Variants in AGBL4 observed in about 807,000 individuals in gnomAD.
AGBL4 encodes AGBL carboxypeptidase 4.
AGBL4 carries 58 observed loss-of-function variants against 66.4 expected under a neutral mutation model. That is an observed-to-expected ratio of 0.87 (90% CI 0.71 to 1.09). AGBL4 has a LOEUF of 1.09. AGBL4 is among the 50% of genes least tolerant of loss of function. The pLI, the probability that AGBL4 is intolerant of heterozygous loss-of-function variation, is 0.00. For missense variants in AGBL4, 579 were observed against 631.0 expected, an observed-to-expected ratio of 0.92 and a Z score of 0.88; for synonymous variants, 234 against 222.9, an observed-to-expected ratio of 1.05 and a Z score of -0.44.
intron 5 of AGBL4, among the ~76,000 whole-genome samples, chr1:49,002,676 T>C (rs1368352682): frequency 6.6e-6 from 1 of 152,236 alleles, no homozygotes; most frequent in African/African-American, 2.4e-5. Context: ...TCTGTTAAAG[T>C]GCAGTCTTCC....
intron 3 of AGBL4, among the ~76,000 whole-genome samples, chr1:49,302,242 CTT>C (rs1644758299): frequency 6.6e-6 from 1 of 150,994 alleles, no homozygotes; most frequent in South Asian, 2.1e-4. Context: ...TTTTCCTACC[CTT>C]CTTTCACATG....
intron 5 of AGBL4, among the ~76,000 whole-genome samples, chr1:49,040,132 C>A (rs1571299352): frequency 6.6e-6 from 1 of 151,978 alleles, no homozygotes; most frequent in East Asian, 1.9e-4. Flanking sequence ...TCTTAAAACT[C>A]TTATGAGAAC....
In AGBL4 at chr1:48,996,673, T is replaced by TA. The variant is rs554868454; in HGVS notation, c.594+48910dup. Among the ~76,000 whole-genome samples the TA allele has an allele frequency of 4.5e-4, 69 of 152,236 alleles. 1 individual carries two copies. In the South Asian group the frequency reaches 9.6e-3, roughly 21 times the overall value. Reference sequence around the variant, plus strand: ...TCAGAAGAATGTTGTGAATTAAAGTTAAGAGTGGAAAGAGAAGAGTGATGC... The same window carrying TA: ...TCAGAAGAATGTTGTGAATTAAAGTTAAAGAGTGGAAAGAGAAGAGTGATGC... On this transcript the variant is annotated intron_variant, in intron 5 of 13. Coordinates refer to ENST00000371839, the MANE Select transcript of AGBL4 (RefSeq NM_032785.4).
intron 8 of AGBL4, among the ~76,000 whole-genome samples, chr1:48,640,587 T>C (rs530843425): frequency 1.3e-4 from 20 of 152,282 alleles, no homozygotes; most frequent in Non-Finnish European, 2.6e-4. Flanking sequence ...AATAAGGAAA[T>C]AAAATCCAAG....
chr1:49,380,375 C>A (rs549918828), intron 3 of AGBL4, among the ~76,000 whole-genome samples: 1 of 152,140 alleles, frequency 6.6e-6, no homozygotes, highest in Admixed American at 6.6e-5. Context: ...ACATTCCATG[C>A]TCATGGGTAG....
intron 3 of AGBL4, among the ~76,000 whole-genome samples, chr1:49,377,930 G>A (rs567823406): frequency 2.0e-5 from 3 of 152,100 alleles, no homozygotes; most frequent in South Asian, 2.1e-4. Context: ...CCATGCTTGT[G>A]AGACACATAA....
intron 5 of AGBL4, among the ~76,000 whole-genome samples, chr1:48,880,803 A>G (rs1225902351): frequency 6.6e-6 from 1 of 152,170 alleles, no homozygotes; most frequent in Admixed American, 6.5e-5. Flanking sequence ...GGTAATAATT[A>G]CATATTAAAA....
chr1:49,425,238 T>A (rs1031767573), intron 3 of AGBL4, among the ~76,000 whole-genome samples: 1 of 152,124 alleles, frequency 6.6e-6, no homozygotes, highest in South Asian at 2.1e-4. Context: ...AATGCTGAAA[T>A]AAACTTTAAA....
At chr1:49,966,984 T>C (rs1319111465) in intron 1 of AGBL4, among the ~76,000 whole-genome samples, 2 of 152,300 alleles carry the variant, frequency 1.3e-5, no homozygotes, top group African/African-American at 2.4e-5. Flanking sequence ...TGTGTCTTTA[T>C]AGTAGAATGA....
intron 5 of AGBL4, among the ~76,000 whole-genome samples, chr1:48,974,726 G>A (rs777418515): frequency 1.3e-5 from 2 of 152,062 alleles, no homozygotes; most frequent in Non-Finnish European, 2.9e-5. Context: ...TAAATAGGTG[G>A]TGACTCTAAT....
chr1:48,937,419 A>AT (rs112638059), intron 5 of AGBL4, among the ~76,000 whole-genome samples: 61 of 152,132 alleles, frequency 4.0e-4, no homozygotes, highest in African/African-American at 1.3e-3. Flanking sequence ...AGTTTCATAG[A>AT]TTTTTTCTTC....
At chr1:49,754,398 T>C (rs1401331532) in intron 2 of AGBL4, among the ~76,000 whole-genome samples, 1 of 152,172 alleles carries the variant, frequency 6.6e-6, no homozygotes, top group African/African-American at 2.4e-5. Flanking sequence ...TTTGTTAATG[T>C]TGATGCCATT....
chr1:48,957,895 TC>T (rs1657616828), intron 5 of AGBL4, among the ~76,000 whole-genome samples: 2 of 152,090 alleles, frequency 1.3e-5, no homozygotes, highest in African/African-American at 4.8e-5. Flanking sequence ...CGAATCACTC[TC>T]CTCTGGTCAA....
At chr1:49,698,708 T>C (rs571889056) in intron 2 of AGBL4, among the ~76,000 whole-genome samples, 17 of 152,200 alleles carry the variant, frequency 1.1e-4, no homozygotes, top group African/African-American at 3.8e-4. Context: ...TTACTATTCT[T>C]AAAATAACAA....
intron 6 of AGBL4, among the ~76,000 whole-genome samples, chr1:48,677,129 G>C (rs1405072702): frequency 6.6e-6 from 1 of 152,148 alleles, no homozygotes; most frequent in Non-Finnish European, 1.5e-5. Flanking sequence ...CACCACTTTG[G>C]TCAGAACAAC....
intron 4 of AGBL4, among the ~76,000 whole-genome samples, chr1:49,198,963 T>C (rs2148225205): frequency 6.6e-6 from 1 of 152,320 alleles, no homozygotes; most frequent in Non-Finnish European, 1.5e-5. Context: ...GAACTCAGTT[T>C]ACATGCACAC....
intron 1 of AGBL4, among the ~76,000 whole-genome samples, chr1:49,948,155 T>C (rs183675179): frequency 0.021 from 2,118 of 102,276 alleles, 111 homozygotes; most frequent in African/African-American, 0.088. Flanking sequence ...TATATAAATA[T>C]ACGTAAATAT....
chr1:49,070,394 G>C (rs1466079269), intron 4 of AGBL4, among the ~76,000 whole-genome samples: 1 of 151,894 alleles, frequency 6.6e-6, no homozygotes, highest in Non-Finnish European at 1.5e-5. Flanking sequence ...TTATTATTTT[G>C]AGATGCATTC....
chr1:49,006,439 G>C (rs932054352), intron 5 of AGBL4, among the ~76,000 whole-genome samples: 2 of 152,104 alleles, frequency 1.3e-5, no homozygotes, highest in Non-Finnish European at 2.9e-5. Flanking sequence ...AGGCGGCAGC[G>C]AGGCTGGGGG....
Sources: gnomAD v4.1 joint callset for allele counts (sites outside exome capture counted in the v4.1 genomes callset) on GRCh38, gnomAD v4.1.1 for gene constraint, MANE v1.5 for transcripts, NCBI Gene and HGNC (gene_info 2026-07-23, HGNC 2026-07-21) for gene names.